Variants in PSD3 observed in about 807,000 individuals in gnomAD.
The protein encoded by PSD3 is PH and SEC7 domain-containing protein 3.
Under a neutral mutation model 105.5 loss-of-function variants are expected in PSD3, and 49 were observed. The observed-to-expected ratio is 0.46, with a 90% confidence interval of 0.37 to 0.59. The LOEUF is 0.59. Among genes scored for constraint, PSD3 ranks in the 20% least tolerant of loss-of-function variants. The probability of loss-of-function intolerance (pLI) is 0.00; values close to 1 mark genes in which losing one functional copy is unlikely to be tolerated. For missense variants in PSD3, 1,561 were observed against 1,263.8 expected (o/e 1.24, Z -3.57); for synonymous variants, 557 against 457.8 (o/e 1.22, Z -2.77).
Position 18,572,445 on chromosome 8 carries a change from G to A in PSD3, c.2784+83C>T. 6 of 1,510,112 alleles carry A rather than the reference G, an allele frequency of 4.0e-6. 1 individual carries two copies. In the South Asian group the frequency reaches 6.4e-5, roughly 16 times the overall value. The allele number at this position is 1,510,112 out of a possible 1,614,324, so 93.5% of individuals were successfully genotyped here. A position where few individuals can be genotyped will look rare whatever the true frequency, so the allele number is the denominator to read the frequency against. Reference sequence around the variant, plus strand: ...GTCTCACACCTGCCCCCAAAACATGGACTACTATCCAAAGACAAATATTTA... The same window carrying A: ...GTCTCACACCTGCCCCCAAAACATGAACTACTATCCAAAGACAAATATTTA... On this transcript the variant is annotated intron_variant, in intron 14 of 15. Transcript: ENST00000327040.
intron 9 of PSD3, among the ~76,000 whole-genome samples, chr8:18,739,433 G>A (rs974991918): frequency 6.6e-6 from 1 of 152,172 alleles, no homozygotes; most frequent in Admixed American, 6.5e-5. Context: ...CAGTGCCTTT[G>A]TCTGGACTCT....
At chr8:18,792,090 A>C (rs549340308) in intron 8 of PSD3, among the ~76,000 whole-genome samples, 43 of 152,340 alleles carry the variant, frequency 2.8e-4, no homozygotes, top group African/African-American at 8.9e-4. Context: ...GTTGTGAAGA[A>C]AAAGGAATGC....
At chr8:18,777,962 C>A (rs1378682441) in intron 8 of PSD3, among the ~76,000 whole-genome samples, 1 of 152,056 alleles carries the variant, frequency 6.6e-6, no homozygotes, top group Non-Finnish European at 1.5e-5. Context: ...TCCACGTTAC[C>A]GTAAATGCCA....
At chr8:18,959,942 A>G (rs1175762861) in intron 1 of PSD3, among the ~76,000 whole-genome samples, 3 of 152,148 alleles carry the variant, frequency 2.0e-5, no homozygotes, top group Non-Finnish European at 4.4e-5. Flanking sequence ...GAGGCCAGGG[A>G]AATGTCACCT....
At chr8:18,771,353 G>C (rs913181714) in intron 8 of PSD3, among the ~76,000 whole-genome samples, 1 of 152,094 alleles carries the variant, frequency 6.6e-6, no homozygotes, top group Non-Finnish European at 1.5e-5. Flanking sequence ...AGCACAAAAG[G>C]TTTTAATTAG....
intron 2 of PSD3, among the ~76,000 whole-genome samples, chr8:18,931,419 G>A (rs1365215042): frequency 6.6e-6 from 1 of 152,004 alleles, no homozygotes; most frequent in African/African-American, 2.4e-5. Context: ...AGTCCAGCAA[G>A]CACCTTAGTT....
intron 12 of PSD3, among the ~76,000 whole-genome samples, chr8:18,593,891 G>T (rs1457557227): frequency 7.1e-6 from 1 of 140,598 alleles, no homozygotes; most frequent in Non-Finnish European, 1.5e-5. Context: ...ACCAAACACC[G>T]CATGCTCTCA....
chr8:18,588,893 T>C (rs547072565), intron 12 of PSD3, among the ~76,000 whole-genome samples: 1 of 129,524 alleles, frequency 7.7e-6, no homozygotes, highest in Non-Finnish European at 1.8e-5. Flanking sequence ...AATGTGAGAA[T>C]AGTGTTCTCT....
intron 11 of PSD3, among the ~76,000 whole-genome samples, chr8:18,602,931 AT>A (rs1335336232): frequency 6.6e-6 from 1 of 152,350 alleles, no homozygotes. Flanking sequence ...CGTGTGTTTT[AT>A]TAAACACACA....
chr8:18,838,590 A>G (rs1814337115), intron 4 of PSD3, among the ~76,000 whole-genome samples: 1 of 151,978 alleles, frequency 6.6e-6, no homozygotes, highest in African/African-American at 2.4e-5. Flanking sequence ...TCATGAGGTC[A>G]GGAGCTCAAG....
intron 2 of PSD3, among the ~76,000 whole-genome samples, chr8:18,904,875 T>G (rs1819739039): frequency 6.6e-6 from 1 of 152,214 alleles, no homozygotes; most frequent in Non-Finnish European, 1.5e-5. Context: ...AGGAATAGGA[T>G]TTAGCCCAAG....
intron 1 of PSD3, among the ~76,000 whole-genome samples, chr8:19,078,951 CCT>C (rs1355238796): frequency 1.4e-5 from 2 of 138,470 alleles, no homozygotes; most frequent in Non-Finnish European, 3.3e-5. Context: ...GCATTGAGCC[CCT>C]GTGTCCCAGC....
intron 9 of PSD3, among the ~76,000 whole-genome samples, chr8:18,672,354 A>C (rs1466299520): frequency 6.6e-6 from 1 of 152,144 alleles, no homozygotes; most frequent in Non-Finnish European, 1.5e-5. Context: ...TGTAAAAAAA[A>C]CAATCCCTGG....
At chr8:18,976,189 ATTTC>A (rs61067135) in intron 1 of PSD3, among the ~76,000 whole-genome samples, 12 of 151,740 alleles carry the variant, frequency 7.9e-5, no homozygotes, top group Admixed American at 2.0e-4. Flanking sequence ...TCAAAATCTA[ATTTC>A]TTTATTTTAC....
chr8:18,688,026 C>G (rs1800757782), intron 9 of PSD3, among the ~76,000 whole-genome samples: 2 of 152,150 alleles, frequency 1.3e-5, no homozygotes, highest in Admixed American at 1.3e-4. Context: ...TCCTCTGCCT[C>G]CCAAAGTGCT....
rs74379650 is a variant in PSD3 at position 18,693,298 on chromosome 8, G to C, written c.2173-37613C>G. ...CTCATCCAAATTTCAATGTGGCCAA[G>C]CCCCAAATCATGGTTTCTACCAGGT... is the stretch of plus-strand genomic sequence containing the variant. On this transcript the variant is annotated intron_variant, in intron 9 of 15. Transcript: ENST00000327040. Among the ~76,000 whole-genome samples, 1,998 of 152,276 alleles carry C rather than the reference G, an allele frequency of 0.013. 95 individuals are homozygous for C. The East Asian group carries it at 0.14, about 11-fold the overall frequency.
rs67555804 is a variant in PSD3, at chr8:18,652,493, G to GTTTTTTT, written c.2216+3142_2216+3148dup. Among the ~76,000 whole-genome samples, 616 of 92,578 alleles carry GTTTTTTT rather than the reference G, an allele frequency of 6.7e-3. 30 individuals are homozygous for GTTTTTTT. The highest frequency in any genetic ancestry group is 8.7e-3 in the East Asian group (26 of 2,994). 60.7% of individuals were successfully genotyped at this position (92,578 alleles called of 152,430 possible). On this transcript the variant is annotated intron_variant, in intron 10 of 15. Transcript: ENST00000327040. ...ACACTTTTATCAAGGAAAAAGCTTA[G>GTTTTTTT]TTTTTTTTTTTTTTTTTTTTTTGAG...
At chr8:18,603,779 A>C (rs1324925009) in intron 11 of PSD3, among the ~76,000 whole-genome samples, 3 of 152,210 alleles carry the variant, frequency 2.0e-5, no homozygotes, top group African/African-American at 7.2e-5. Context: ...TGGTTGTTTA[A>C]AAGTGTGTAG....
chr8:18,720,113 G>A (rs971845870), intron 9 of PSD3, among the ~76,000 whole-genome samples: 4 of 152,076 alleles, frequency 2.6e-5, no homozygotes, highest in Non-Finnish European at 5.9e-5. Flanking sequence ...TCCAATGTAT[G>A]GGAAACTCAT....
Sources: allele counts gnomAD v4.1 joint callset (sites outside exome capture counted in the v4.1 genomes callset), GRCh38; gene constraint gnomAD v4.1.1; transcripts MANE v1.5; gene names NCBI Gene and HGNC (gene_info 2026-07-23, HGNC 2026-07-21).